Variants in PLCG1 observed in about 807,000 individuals in gnomAD.
PLCG1 encodes 1-phosphatidylinositol 4,5-bisphosphate phosphodiesterase gamma-1.
In PLCG1, 71 loss-of-function variants were observed where a neutral mutation model predicts 177.8. The observed-to-expected ratio is 0.40, with a 90% CI of 0.33 to 0.49. PLCG1 has a LOEUF of 0.49. PLCG1 is among the 20% of genes least tolerant of loss of function. The pLI is 0.72. For synonymous variants in PLCG1, 658 were observed against 647.9 expected, an observed-to-expected ratio of 1.02 and a Z score of -0.24; for missense variants, 1,281 against 1,709.0, an observed-to-expected ratio of 0.75 and a Z score of 4.42.
At position 41,172,394 on chromosome 20, in the gene PLCG1, T is replaced by A; in HGVS notation, c.2906-27T>A. On this transcript the variant is annotated intron_variant, in intron 25 of 31. Transcript: ENST00000685551. This position sits in a 1 kb window ranked among gnomAD's most constrained non-coding sequence, Gnocchi z 7.0. ...CAACACTTCCTGGGTGGGCGGGCTCTGTAAGTGTTTTCCCTGTTTGGCCCA... is the reference window on the plus strand; with the variant it reads ...CAACACTTCCTGGGTGGGCGGGCTCAGTAAGTGTTTTCCCTGTTTGGCCCA... 1 of 1,605,468 alleles carries A rather than the reference T, an allele frequency of 6.2e-7. No homozygotes were observed. The highest frequency in any genetic ancestry group is 8.5e-7 in the Non-Finnish European group (1 of 1,172,164).
chr20:41,170,330 T>C (rs770885666), intron 24 of PLCG1, 61 bp downstream of exon 24: 4 of 1,584,998 alleles, frequency 2.5e-6, no homozygotes. Context: ...AGCTGAGGCC[T>C]CCAGCTCCCA....
intron 1 of PLCG1, among the ~76,000 whole-genome samples, chr20:41,142,200 C>T (rs1568724266): frequency 1.3e-5 from 2 of 152,170 alleles, no homozygotes; most frequent in Admixed American, 6.5e-5. Flanking sequence ...GGAGAGGTGA[C>T]CTTTGAGGTA....
At chr20:41,154,776 C>G (rs2035267258) in intron 1 of PLCG1, among the ~76,000 whole-genome samples, 1 of 152,238 alleles carries the variant, frequency 6.6e-6, no homozygotes, top group Non-Finnish European at 1.5e-5. Flanking sequence ...AGCACCCTCT[C>G]TCCCCACTCA....
intron 6 of PLCG1, 83 bp downstream of exon 6, chr20:41,162,808 G>A (rs1014628591): frequency 1.4e-6 from 2 of 1,391,420 alleles, no homozygotes; most frequent in African/African-American, 2.8e-5. Flanking sequence ...CAGCCCTGCT[G>A]CCCTGCTTAG....
At chr20:41,162,117 C>T (rs1192719653) in intron 4 of PLCG1, among the ~76,000 whole-genome samples, 4 of 152,044 alleles carry the variant, frequency 2.6e-5, no homozygotes, top group Non-Finnish European at 5.9e-5. Context: ...TCAGCAGTGC[C>T]GGTAGGAGGG....
At chr20:41,170,032 G>A in intron 23 of PLCG1, 80 bp from the exon 24 acceptor site, 2 of 1,293,556 alleles carry the variant, frequency 1.5e-6, no homozygotes, top group South Asian at 2.7e-5. Flanking sequence ...GAACTCATTT[G>A]AGCCAGTGCC....
chr20:41,152,556 C>T (rs2035198567), intron 1 of PLCG1, among the ~76,000 whole-genome samples: 1 of 152,256 alleles, frequency 6.6e-6, no homozygotes, highest in Non-Finnish European at 1.5e-5. Flanking sequence ...ATCCTTGATA[C>T]CATCTTTCTG....
intron 1 of PLCG1, among the ~76,000 whole-genome samples, chr20:41,139,563 C>T (rs6065315): frequency 6.6e-6 from 1 of 152,176 alleles, no homozygotes; most frequent in African/African-American, 2.4e-5. Flanking sequence ...TTCTCTGAGC[C>T]TTGATTTCCT....
Position 41,173,489 on chromosome 20 carries a change from G to T in PLCG1, c.3349G>T (p.Ala1117Ser). The change falls in exon 28 of 32, where the codon GCT becomes TCT. Residue 1117 changes from alanine to serine, a missense_variant. Physicochemically the swap from Ala to Ser is moderately conservative, Grantham distance 99. Coordinates refer to ENST00000685551, the MANE Select transcript of PLCG1 (RefSeq NM_002660.3). This position sits in a 1 kb window ranked among gnomAD's most constrained non-coding sequence, Gnocchi z 6.2. ...GTGTCCTTTTGTGGAGATTGAGGTG[G>T]CTGGAGCTGAGTATGACAGCACCAA... is the stretch of plus-strand genomic sequence containing the variant. ...IVCPFVEIEV[A>S]GAEYDSTKQK... 6.2e-7 allele frequency: 1 copy of T among 1,613,628 alleles called. No individual in the cohort carries two copies. The highest frequency in any genetic ancestry group is 8.5e-7 in the Non-Finnish European group (1 of 1,179,864).
At position 41,166,066 on chromosome 20, in the gene PLCG1, GCTC is replaced by G; in HGVS notation, c.1800-124_1800-122del. 1 of 798,912 alleles carries G rather than the reference GCTC, an allele frequency of 1.3e-6. No individual in the cohort carries two copies. The highest frequency in any genetic ancestry group is 2.0e-6 in the Non-Finnish European group (1 of 505,454). 49.5% of individuals were successfully genotyped at this position (798,912 alleles called of 1,614,324 possible). On this transcript the variant is annotated intron_variant, in intron 16 of 31. Transcript: ENST00000685551. This position sits in a 1 kb window ranked among gnomAD's most constrained non-coding sequence, Gnocchi z 8.6. ...GGTTCATGTGACTGCCCACACCTGA[GCTC>G]CTCAGGAGATTGGCCTCCCTCCTTG...
rs1224190762 is a variant in PLCG1, at chr20:41,170,101, C to T, written c.2651-11C>T. ...TCTATTCCCAGCTGTTATCTGCTCT[C>T]GCCCTCCCAGCCATCCGTCCTGAGG... On this transcript the variant is annotated splice_polypyrimidine_tract_variant and intron_variant, in intron 23 of 31. Coordinates refer to ENST00000685551, the MANE Select transcript of PLCG1 (RefSeq NM_002660.3). 7.5e-6 allele frequency: 12 copies of T among 1,602,256 alleles called. No homozygotes were observed. The highest frequency in any genetic ancestry group is 6.7e-5 in the East Asian group (3 of 44,736).
intron 1 of PLCG1, among the ~76,000 whole-genome samples, chr20:41,139,269 G>A (rs1327209599): frequency 6.6e-6 from 1 of 152,186 alleles, no homozygotes; most frequent in Non-Finnish European, 1.5e-5. Context: ...AGTGACTTGA[G>A]AGCCTGTGGA....
In PLCG1 at chr20:41,172,121, A is replaced by G. The variant is rs2035920323; in HGVS notation, c.2809-72A>G. ...AGCACCTGCAGTGTGGGCATGCCCAAGGTTGGCAGGGGCTTCCTTCTCCTG... is the reference window on the plus strand; with the variant it reads ...AGCACCTGCAGTGTGGGCATGCCCAGGGTTGGCAGGGGCTTCCTTCTCCTG... On this transcript the variant is annotated intron_variant, in intron 24 of 31. Transcript: ENST00000685551. This position sits in a 1 kb window ranked among gnomAD's most constrained non-coding sequence, Gnocchi z 7.0. 1.7e-6 allele frequency: 2 copies of G among 1,194,824 alleles called. No individual in the cohort carries two copies. The highest frequency in any genetic ancestry group is 2.3e-5 in the East Asian group (1 of 42,892). 74.0% of individuals were successfully genotyped at this position (1,194,824 alleles called of 1,614,324 possible).
intron 1 of PLCG1, among the ~76,000 whole-genome samples, chr20:41,158,928 T>C (rs1387311605): frequency 1.3e-5 from 2 of 152,242 alleles, no homozygotes; most frequent in Non-Finnish European, 2.9e-5. Flanking sequence ...TTCAAGCCCG[T>C]GTACCTCTCT....
chr20:41,172,827 T>C lies in PLCG1; in HGVS notation c.3229T>C (p.Phe1077Leu). The C allele has an allele frequency of 4.3e-6, 7 of 1,614,176 alleles. No homozygotes were observed. Among genetic ancestry groups the C allele is most frequent in the Non-Finnish European group, 5.9e-6 (7 of 1,180,034 alleles). Residue 1077 changes from phenylalanine (F) to leucine (L), a missense_variant, in exon 27 of 32, where the codon TTT becomes CTT. Phe to Leu is a conservative substitution (Grantham distance 22, BLOSUM62 0). This residue lies in a region of PLCG1 where 723 missense variants were observed against 1,030.0 expected (regional missense o/e 0.70). Transcript: ENST00000685551. This position sits in a 1 kb window ranked among gnomAD's most constrained non-coding sequence, Gnocchi z 7.0. ...CATGCGGGATGAGGCCTTCGACCCCTTTGACAAGAGCAGCCTCCGCGGGCT... is the reference window on the plus strand; with the variant it reads ...CATGCGGGATGAGGCCTTCGACCCCCTTGACAAGAGCAGCCTCCGCGGGCT... ...STMRDEAFDPFDKSSLRGLEP... is the reference protein window; with the variant it reads ...STMRDEAFDPLDKSSLRGLEP...
At chr20:41,155,580 C>T (rs961195293) in intron 1 of PLCG1, among the ~76,000 whole-genome samples, 5 of 152,268 alleles carry the variant, frequency 3.3e-5, no homozygotes, top group East Asian at 1.9e-4. Flanking sequence ...CCATACAATG[C>T]CCCCATCCCT....
chr20:41,158,587 T>A (rs1476340357), intron 1 of PLCG1, among the ~76,000 whole-genome samples: 1 of 152,196 alleles, frequency 6.6e-6, no homozygotes, highest in Non-Finnish European at 1.5e-5. Context: ...CATATAGTGC[T>A]GGGTGTTTCT....
rs577971873 is a variant in PLCG1 at position 41,176,247 on chromosome 20, C to CTGA, written c.*1743_*1745dup. ...GATCCGGTTCCGTGGATGACATGAA[C>CTGA]TGATGATAGCCAGTATCAAACAGCG... On this transcript the variant is annotated 3_prime_UTR_variant, in exon 32 of 32. Transcript: ENST00000685551. The CTGA allele has an allele frequency of 3.1e-4, 47 of 149,724 alleles. No individual in the cohort carries two copies. The highest frequency in any genetic ancestry group is 9.2e-4 in the African/African-American group (38 of 41,300). 9.3% of individuals were successfully genotyped at this position (149,724 alleles called of 1,614,324 possible).
rs781261188 is a variant in PLCG1 at position 41,173,633 on chromosome 20, T to C, written c.3395-19T>C. 8.1e-6 allele frequency: 13 copies of C among 1,614,104 alleles called. No individual in the cohort carries two copies. The Middle Eastern group carries it at 1.2e-3, about 143-fold the overall frequency. ...CCTCTCCCACGGTGACCTGAAGCCT[T>C]TTGTCGTTGCCTTCACAGTGGACAA... On this transcript the variant is annotated intron_variant, in intron 28 of 31. Coordinates refer to ENST00000685551, the MANE Select transcript of PLCG1 (RefSeq NM_002660.3). This position sits in a 1 kb window ranked among gnomAD's most constrained non-coding sequence, Gnocchi z 6.2.
Sources: allele counts gnomAD v4.1 joint callset (sites outside exome capture counted in the v4.1 genomes callset), GRCh38; gene constraint gnomAD v4.1.1; regional missense constraint gnomAD v4.1.1; non-coding constraint Gnocchi (gnomAD v3.1); transcripts MANE v1.5; gene names NCBI Gene and HGNC (gene_info 2026-07-23, HGNC 2026-07-21).